Variants in COL4A5 observed in about 807,000 individuals in gnomAD.
COL4A5 encodes collagen alpha-5(IV) chain.
COL4A5 carries 26 observed loss-of-function variants against 130.2 expected under a neutral mutation model. The ratio of observed to expected loss-of-function variants is 0.20; its 90% CI spans 0.15 to 0.28. The LOEUF is 0.28. Ranked by LOEUF, COL4A5 falls within the 10% of genes least tolerant of loss-of-function variation. COL4A5 has a pLI of 1.00. For missense variants in COL4A5, 1,131 were observed against 1,344.3 expected (o/e 0.84, Z 2.48); for synonymous variants, 496 against 439.6 (o/e 1.13, Z -1.60).
At chrX:108,531,532 T>C (rs1346350672) in intron 1 of COL4A5, among the ~76,000 whole-genome samples, 5 of 109,175 alleles carry the variant, frequency 4.6e-5, no homozygotes, top group Non-Finnish European at 5.7e-5. Flanking sequence ...AATCTAGCAA[T>C]GCACCTCAAG....
At chrX:108,593,853 A>G (rs1180530323) in intron 21 of COL4A5, among the ~76,000 whole-genome samples, 1 of 111,842 alleles carries the variant, frequency 8.9e-6, no homozygotes, top group Non-Finnish European at 1.9e-5. Flanking sequence ...TCTTTGCATT[A>G]TTTTGTGTGC....
intron 49 of COL4A5, chrX:108,690,110 A>G (rs1310104154): frequency 2.6e-5 from 14 of 540,180 alleles, no homozygotes; most frequent in African/African-American, 5.1e-5. Flanking sequence ...TTTCATGTCC[A>G]TTGTCTAATT....
chrX:108,553,199 C>G (rs1256781440), intron 2 of COL4A5, among the ~76,000 whole-genome samples: 2 of 111,560 alleles, frequency 1.8e-5, no homozygotes, highest in East Asian at 2.8e-4. Context: ...GATCTGATAT[C>G]AAAAACACGA....
At chrX:108,687,724 G>C (rs1312161806) in intron 49 of COL4A5, 30 bp downstream of exon 49, 7 of 1,173,345 alleles carry the variant, frequency 6.0e-6, no homozygotes, top group Non-Finnish European at 8.1e-6. Context: ...ATTTCCTACT[G>C]TGCCTTTTGT....
chrX:108,669,498 G>T (rs887637215), intron 41 of COL4A5, among the ~76,000 whole-genome samples: 9 of 111,665 alleles, frequency 8.1e-5, no homozygotes, highest in Non-Finnish European at 1.7e-4. Context: ...AATTTTATCT[G>T]ATCTGACATA....
intron 36 of COL4A5, among the ~76,000 whole-genome samples, chrX:108,627,981 C>T (rs1222297557): frequency 9.1e-6 from 1 of 110,459 alleles, no homozygotes; most frequent in Non-Finnish European, 1.9e-5. Flanking sequence ...CTGGACCTTC[C>T]AAATGTAGAT....
At chrX:108,514,864 T>C (rs1196073715) in intron 1 of COL4A5, among the ~76,000 whole-genome samples, 2 of 111,494 alleles carry the variant, frequency 1.8e-5, no homozygotes, top group African/African-American at 6.5e-5. Context: ...TGGACATTTA[T>C]AAATTATGGA....
intron 36 of COL4A5, among the ~76,000 whole-genome samples, chrX:108,651,268 C>T (rs2067721947): frequency 9.0e-6 from 1 of 111,506 alleles, no homozygotes; most frequent in Admixed American, 9.6e-5. Flanking sequence ...GATGGTTGTA[C>T]AATCCTATGA....
rs1157619414 is a variant in COL4A5, at chrX:108,697,111, A to G, written c.*733A>G. 9.9e-5 allele frequency: 11 copies of G among 111,660 alleles called. No homozygotes were observed. The highest frequency in any genetic ancestry group is 9.6e-4 in the Admixed American group (10 of 10,460). The allele number at this position is 111,660 out of a possible 1,213,427, so 9.2% of individuals were successfully genotyped here. A position where few individuals can be genotyped will look rare whatever the true frequency, so the allele number is the denominator to read the frequency against. ...ACTTTAATCAGAATTTTAAATGTTC[A>G]TGTTACATACCAAATTATAATATCT... On this transcript the variant is annotated 3_prime_UTR_variant, in exon 53 of 53. Coordinates refer to ENST00000328300, the MANE Select transcript of COL4A5 (RefSeq NM_033380.3).
At chrX:108,689,497 T>C in intron 49 of COL4A5, 1 of 753,273 alleles carries the variant, frequency 1.3e-6, no homozygotes. Flanking sequence ...ACAATCAGAT[T>C]TGGAATCTAT....
chrX:108,653,945 T>G (rs1238853161), intron 36 of COL4A5, among the ~76,000 whole-genome samples: 1 of 112,039 alleles, frequency 8.9e-6, no homozygotes. Flanking sequence ...TTCTTAATTT[T>G]TTTAAATAAT....
rs978569757 is a variant in COL4A5, at chrX:108,618,715, T to G, written c.2510-1544T>G. ...TATGTTCTAATTTTTAAATGCTTAG[T>G]TTTTTTTTCCCTAACCTAATGAAAC... On this transcript the variant is annotated intron_variant, in intron 30 of 52. Transcript: ENST00000328300. 3.7e-5 allele frequency among the ~76,000 whole-genome samples: 4 copies of G among 108,768 alleles called. No homozygotes were observed. In the Admixed American group the frequency reaches 4.0e-4, roughly 11 times the overall value. The allele number at this position is 108,768 out of a possible 115,157, so 94.5% of individuals were successfully genotyped here.
chrX:108,624,870 CT>C (rs2067123183), intron 34 of COL4A5, among the ~76,000 whole-genome samples: 1 of 111,202 alleles, frequency 9.0e-6, no homozygotes, highest in African/African-American at 3.3e-5. Flanking sequence ...AAAACTCTTT[CT>C]TGTTTCTTCT....
At chrX:108,460,368 C>G (rs904755227) in intron 1 of COL4A5, among the ~76,000 whole-genome samples, 1 of 111,259 alleles carries the variant, frequency 9.0e-6, no homozygotes, top group Non-Finnish European at 1.9e-5. Context: ...CACCCTAGGC[C>G]GTGGATTTCC....
chrX:108,532,556 A>G (rs1200846694), intron 1 of COL4A5, among the ~76,000 whole-genome samples: 1 of 111,640 alleles, frequency 9.0e-6, no homozygotes, highest in African/African-American at 3.3e-5. Flanking sequence ...CCTATTCAAC[A>G]TAGTACTGGA....
At chrX:108,622,607 A>G in intron 32 of COL4A5, 69 bp from the exon 33 acceptor site, 1 of 1,121,983 alleles carries the variant, frequency 8.9e-7, no homozygotes, top group African/African-American at 1.8e-5. Context: ...ACATATCAAT[A>G]ATCTTTATAT....
intron 46 of COL4A5, 120 bp from the exon 47 acceptor site, chrX:108,681,640 G>A: frequency 1.3e-6 from 1 of 793,507 alleles, no homozygotes; most frequent in Non-Finnish European, 1.9e-6. Flanking sequence ...TGTTAGATAT[G>A]GCAGCAATTC....
chrX:108,512,745 T>TCACAGGAC (rs1470337434), intron 1 of COL4A5, among the ~76,000 whole-genome samples: 2 of 111,009 alleles, frequency 1.8e-5, no homozygotes, highest in East Asian at 5.7e-4. Flanking sequence ...CAGAGCAAGA[T>TCACAGGAC]CACAGGACCA....
At chrX:108,563,221 T>A (rs1019409055) in intron 3 of COL4A5, among the ~76,000 whole-genome samples, 1 of 111,593 alleles carries the variant, frequency 9.0e-6, no homozygotes, top group African/African-American at 3.3e-5. Flanking sequence ...TTAATTCTAT[T>A]TTTTTAAAGA....
Sources: gnomAD v4.1 joint callset for allele counts (sites outside exome capture counted in the v4.1 genomes callset) on GRCh38, gnomAD v4.1.1 for gene constraint, MANE v1.5 for transcripts, NCBI Gene and HGNC (gene_info 2026-07-23, HGNC 2026-07-21) for gene names.